Variants in FCAMR observed in about 807,000 individuals in gnomAD.
FCAMR encodes Fc alpha and mu receptor.
FCAMR carries 51 observed loss-of-function variants against 52.2 expected under a neutral mutation model. That is an observed-to-expected ratio of 0.98 (90% CI 0.78 to 1.23). The LOEUF (loss-of-function observed/expected upper bound fraction) is 1.23, where lower values mean the gene tolerates loss of function less well. FCAMR is among the 50% of genes most tolerant of loss of function. The pLI is 0.00. For synonymous variants in FCAMR, 282 were observed against 262.0 expected, an observed-to-expected ratio of 1.08 and a Z score of -0.74; for missense variants, 719 against 712.6, an observed-to-expected ratio of 1.01 and a Z score of -0.10.
chr1:206,959,322 C>CA (rs1680396780), intron 7 of FCAMR, among the ~76,000 whole-genome samples: 2 of 151,842 alleles, frequency 1.3e-5, no homozygotes. Context: ...ACTAAAAATA[C>CA]AAAAATTAGC....
chr1:206,966,922 C>A, intron 3 of FCAMR, 130 bp downstream of exon 3: 1 of 773,154 alleles, frequency 1.3e-6, no homozygotes, highest in Admixed American at 2.4e-5. Flanking sequence ...GAGATGGAGC[C>A]ATTTGTCATC....
Position 206,960,653 on chromosome 1 carries a change from T to C in FCAMR, c.1223A>G (p.Glu408Gly). The C allele has an allele frequency of 6.4e-7, 1 of 1,551,934 alleles. No individual in the cohort carries two copies. Reference sequence around the variant, plus strand: ...CCACATGCCTGCAGCTGGAGTTGTTTCTCCAATGGAACCCTGAGATTGTTG... The same window carrying C: ...CCACATGCCTGCAGCTGGAGTTGTTCCTCCAATGGAACCCTGAGATTGTTG... The part of the protein sequence containing the change: ...SKQQSQGSIG[E>G]TTPAAGMWTL... The change falls in exon 6 of 8, where the codon GAA becomes GGA. Residue 408 changes from glutamate (E) to glycine (G), a missense_variant. Glu to Gly is a moderately conservative substitution (Grantham distance 98). Coordinates refer to ENST00000324852, the MANE Select transcript of FCAMR (RefSeq NM_001170631.2).
chr1:206,962,194 A>G lies in FCAMR; in HGVS notation c.652+19T>C. ...GAACGTGCTTCACCAAGCTTGGCCCATCAGCCGTCAGCTCATACCTGCAGA... is the reference window on the plus strand; with the variant it reads ...GAACGTGCTTCACCAAGCTTGGCCCGTCAGCCGTCAGCTCATACCTGCAGA... On this transcript the variant is annotated intron_variant, in intron 5 of 7. Coordinates refer to ENST00000324852, the MANE Select transcript of FCAMR (RefSeq NM_001170631.2). 6 of 1,605,286 alleles carry G rather than the reference A, an allele frequency of 3.7e-6. No homozygotes were observed. The highest frequency in any genetic ancestry group is 1.1e-5 in the South Asian group (1 of 90,720).
At position 206,958,358 on chromosome 1, in the gene FCAMR, C is replaced by T; in HGVS notation, c.*158G>A. The T allele has an allele frequency of 1.2e-6, 1 of 800,810 alleles. No homozygotes were observed. Among genetic ancestry groups the T allele is most frequent in the Non-Finnish European group, 1.9e-6 (1 of 520,832 alleles). 49.6% of individuals were successfully genotyped at this position (800,810 alleles called of 1,614,324 possible). On this transcript the variant is annotated 3_prime_UTR_variant, in exon 8 of 8. Transcript: ENST00000324852. ...TGGATAATGCTTGACTTTCTTGGGC[C>T]CAAGGACAGCCAGCCTTTCTTCCAT...
rs199771230 is a variant in FCAMR at position 206,965,778 on chromosome 1, G to A, written c.250C>T (p.Arg84Trp). 185 of 1,581,678 alleles carry A rather than the reference G, an allele frequency of 1.2e-4. 1 individual carries two copies. The African/African-American group carries it at 1.4e-3, about 12-fold the overall frequency. Residue 84 changes from arginine (R) to tryptophan (W), a missense_variant, in exon 4 of 8, where the codon CGG becomes TGG. Physicochemically the swap from Arg to Trp is moderately radical, Grantham distance 101 (BLOSUM62 -3). Transcript: ENST00000324852. Reference protein sequence around the residue: ...EGSLPSRTHLRAMGTLRPSSP... With the variant: ...EGSLPSRTHLWAMGTLRPSSP... ...GAAGGCCTGAGTGTTCCCATGGCCC[G>A]GAGATGGGTCCTGGAGGGGAGAGAG...
Position 206,970,133 on chromosome 1 carries a change from C to T in FCAMR, c.-8G>A, listed in dbSNP as rs1267046975. 6.2e-7 allele frequency: 1 copy of T among 1,613,974 alleles called. No individual in the cohort carries two copies. The highest frequency in any genetic ancestry group is 2.2e-5 in the East Asian group (1 of 44,858). ...TGTGGCCTCTCCATCCATCTCAGTCCAGAAACAAGATCCAGGTGGACTTTT... is the reference window on the plus strand; with the variant it reads ...TGTGGCCTCTCCATCCATCTCAGTCTAGAAACAAGATCCAGGTGGACTTTT... On this transcript the variant is annotated 5_prime_UTR_variant, in exon 1 of 8. Coordinates refer to ENST00000324852, the MANE Select transcript of FCAMR (RefSeq NM_001170631.2).
Position 206,967,078 on chromosome 1 carries a change from A to T in FCAMR, c.143T>A (p.Leu48His). The T allele has an allele frequency of 6.2e-7, 1 of 1,614,012 alleles. No homozygotes were observed. Among genetic ancestry groups the T allele is most frequent in the Non-Finnish European group, 8.5e-7 (1 of 1,180,004 alleles). The change falls in exon 3 of 8, where the codon CTC (leucine) becomes CAC (histidine). Residue 48 changes from leucine (L) to histidine (H), a missense_variant. Coordinates refer to ENST00000324852, the MANE Select transcript of FCAMR (RefSeq NM_001170631.2). ...TTGTAGCAGGCACAGTATGAGGAAGAGGGGCATTTTCCATCCCGCCCTCCT... is the reference window on the plus strand; with the variant it reads ...TTGTAGCAGGCACAGTATGAGGAAGTGGGGCATTTTCCATCCCGCCCTCCT... ...TSRRAGWKMP[L>H]FLILCLLQGS...
Position 206,958,421 on chromosome 1 carries a change from G to A in FCAMR, c.*95C>T, listed in dbSNP as rs1309045791. ...GGCTGCATCAGCTTCTCTTCCCACA[G>A]GTGGAGGAAGGATGATGGAAAGAGG... is the stretch of plus-strand genomic sequence containing the variant. On this transcript the variant is annotated 3_prime_UTR_variant, in exon 8 of 8. Coordinates refer to ENST00000324852, the MANE Select transcript of FCAMR (RefSeq NM_001170631.2). 2 of 1,347,802 alleles carry A rather than the reference G, an allele frequency of 1.5e-6. No homozygotes were observed. The highest frequency in any genetic ancestry group is 1.5e-5 in the African/African-American group (1 of 67,722). 83.5% of individuals were successfully genotyped at this position (1,347,802 alleles called of 1,614,324 possible).
At chr1:206,965,644 C>G in intron 4 of FCAMR, 71 bp downstream of exon 4, 1 of 1,485,592 alleles carries the variant, frequency 6.7e-7, no homozygotes, top group Non-Finnish European at 8.9e-7. Context: ...CTGTAGGGAG[C>G]CTGACTTGGT....
Position 206,960,454 on chromosome 1 carries a change from C to T in FCAMR, c.1422G>A (p.Trp474Ter). ...CGGAGGACTCCTTGCCAGGGGGTCC[C>T]CAGGGTCCTACTGCCGGGGTCTGGC... is the stretch of plus-strand genomic sequence containing the variant. ...TLSQTPAVGPWGPPGKESSVK... is the reference protein window; with the variant it reads ...TLSQTPAVGP The change falls in exon 6 of 8, where the codon TGG (tryptophan) becomes TGA (stop). Residue 474 changes from tryptophan (W) to a stop codon, truncating the protein, a stop_gained. Transcript: ENST00000324852. LOFTEE classifies it high-confidence loss of function. The T allele has an allele frequency of 2.6e-6, 4 of 1,523,700 alleles. No individual in the cohort carries two copies. Among genetic ancestry groups the T allele is most frequent in the Non-Finnish European group, 3.5e-6 (4 of 1,134,078 alleles). 94.4% of individuals were successfully genotyped at this position (1,523,700 alleles called of 1,614,324 possible).
At chr1:206,966,981 C>A (rs1255077271) in intron 3 of FCAMR, 71 bp downstream of exon 3, 16 of 1,515,140 alleles carry the variant, frequency 1.1e-5, no homozygotes, top group Admixed American at 1.7e-5. Context: ...CCTGTGAGGA[C>A]CTTTAGGGCA....
chr1:206,960,292 T>G, intron 6 of FCAMR, 130 bp downstream of exon 6: 1 of 956,516 alleles, frequency 1.0e-6, no homozygotes, highest in Admixed American at 3.0e-5. Flanking sequence ...AGGGAGGGCA[T>G]CCGATGTGTA....
Position 206,967,501 on chromosome 1 carries a change from C to T in FCAMR, c.108+82G>A, listed in dbSNP as rs1680763069. ...CCAAACTCTAGTTGGAATTGTGGGA[C>T]CTTGGAAGGTTAGTCTCAGGGATTC... On this transcript the variant is annotated intron_variant, in intron 2 of 7. Transcript: ENST00000324852. 8 of 1,429,480 alleles carry T rather than the reference C, an allele frequency of 5.6e-6. No homozygotes were observed. The Admixed American group carries it at 1.0e-4, about 19-fold the overall frequency. The allele number at this position is 1,429,480 out of a possible 1,614,324, so 88.5% of individuals were successfully genotyped here. A position where few individuals can be genotyped will look rare whatever the true frequency, so the allele number is the denominator to read the frequency against.
chr1:206,969,443 G>T, intron 1 of FCAMR: 1 of 377,058 alleles, frequency 2.7e-6, no homozygotes, highest in Non-Finnish European at 5.4e-6. Context: ...GGAGACAGGG[G>T]GCCATAATTC....
chr1:206,961,774 A>G (rs1680517097), intron 5 of FCAMR, among the ~76,000 whole-genome samples: 1 of 152,218 alleles, frequency 6.6e-6, no homozygotes, highest in African/African-American at 2.4e-5. Context: ...GGGAGCTGTC[A>G]GATGTTGGCT....
chr1:206,968,332 T>TCAACAACAA (rs143325039), intron 1 of FCAMR, among the ~76,000 whole-genome samples: 4 of 151,860 alleles, frequency 2.6e-5, no homozygotes, highest in African/African-American at 7.3e-5. Flanking sequence ...AGACTCTGTC[T>TCAACAACAA]CAACAACAAC....
At chr1:206,968,371 T>C (rs1300252480) in intron 1 of FCAMR, among the ~76,000 whole-genome samples, 1 of 152,178 alleles carries the variant, frequency 6.6e-6, no homozygotes, top group East Asian at 1.9e-4. Flanking sequence ...GATTGTACAT[T>C]ACACTTCTCT....
intron 7 of FCAMR, chr1:206,959,014 C>A (rs564714045): frequency 8.1e-6 from 4 of 491,718 alleles, no homozygotes; most frequent in Non-Finnish European, 1.2e-5. Context: ...GGGGAAAATG[C>A]GAGGTTTGAT....
chr1:206,963,643 C>T (rs1037767236), intron 4 of FCAMR, among the ~76,000 whole-genome samples: 16 of 152,034 alleles, frequency 1.1e-4, no homozygotes, highest in African/African-American at 3.4e-4. Context: ...AGGAGGGGGG[C>T]ATGGTTGGGG....
Sources: gnomAD v4.1 joint callset for allele counts (sites outside exome capture counted in the v4.1 genomes callset) on GRCh38, gnomAD v4.1.1 for gene constraint, MANE v1.5 for transcripts, NCBI Gene and HGNC (gene_info 2026-07-23, HGNC 2026-07-21) for gene names.